The following MACROD2 variants were observed in gnomAD, a reference collection of about 807,000 sequenced individuals.
MACROD2 encodes mono-ADP ribosylhydrolase 2.
A neutral mutation model predicts 70.4 loss-of-function variants in MACROD2; 36 were observed. The observed-to-expected ratio is 0.51, with a 90% CI of 0.39 to 0.68. MACROD2 has a LOEUF of 0.68. Ranked by LOEUF, MACROD2 falls within the 30% of genes least tolerant of loss-of-function variation. The pLI, the probability that MACROD2 is intolerant of heterozygous loss-of-function variation, is 0.00. For synonymous variants in MACROD2, 172 were observed against 178.8 expected, an observed-to-expected ratio of 0.96 and a Z score of 0.30; for missense variants, 496 against 538.4, an observed-to-expected ratio of 0.92 and a Z score of 0.78.
At chr20:15,777,110 T>A (rs996655750) in intron 8 of MACROD2, among the ~76,000 whole-genome samples, 3 of 152,198 alleles carry the variant, frequency 2.0e-5, no homozygotes, top group Admixed American at 1.3e-4. Flanking sequence ...TCTGCTTTGC[T>A]CTTTTGCTGG....
In MACROD2 at chr20:14,463,981, T is replaced by TG. The variant is rs1300228484; in HGVS notation, c.272-29496dup. On this transcript the variant is annotated intron_variant, in intron 3 of 17. Coordinates refer to ENST00000684519, the MANE Select transcript of MACROD2 (RefSeq NM_001351661.2). ...TTGCATCAATGTTCATCAAGGATAT[T>TG]GGTCTAAAATTCTCTTTTTTTGTTG... Among the ~76,000 whole-genome samples the TG allele has an allele frequency of 2.0e-5, 3 of 152,056 alleles. No individual in the cohort carries two copies. In the East Asian group the frequency reaches 5.8e-4, roughly 29 times the overall value.
chr20:15,388,639 C>G (rs898913010), intron 6 of MACROD2, among the ~76,000 whole-genome samples: 1 of 152,040 alleles, frequency 6.6e-6, no homozygotes, highest in African/African-American at 2.4e-5. Flanking sequence ...CCCTAATTAC[C>G]AAGCACCAGA....
At chr20:14,971,450 AG>A (rs78535762) in intron 5 of MACROD2, among the ~76,000 whole-genome samples, 41 of 151,410 alleles carry the variant, frequency 2.7e-4, no homozygotes, top group African/African-American at 1.0e-3. Flanking sequence ...AGGTAAAGGG[AG>A]GGGGGGGACT....
chr20:15,468,307 A>G (rs1028454544), intron 7 of MACROD2, among the ~76,000 whole-genome samples: 2 of 152,092 alleles, frequency 1.3e-5, no homozygotes, highest in African/African-American at 4.8e-5. Context: ...AAAAAAAAAG[A>G]AAGAGAAAGA....
chr20:15,357,436 C>G (rs6079783), intron 6 of MACROD2, among the ~76,000 whole-genome samples: 1 of 151,872 alleles, frequency 6.6e-6, no homozygotes, highest in Non-Finnish European at 1.5e-5. Context: ...AAATTTTGAC[C>G]TAAAACAACC....
At chr20:14,518,349 C>A (rs1194908108) in intron 4 of MACROD2, among the ~76,000 whole-genome samples, 1 of 152,018 alleles carries the variant, frequency 6.6e-6, no homozygotes, top group East Asian at 1.9e-4. Flanking sequence ...CTTTTCTTCA[C>A]AATATTTTTA....
intron 8 of MACROD2, among the ~76,000 whole-genome samples, chr20:15,677,997 G>A (rs2050092020): frequency 6.6e-6 from 1 of 151,944 alleles, no homozygotes; most frequent in African/African-American, 2.4e-5. Context: ...CCCAGGAGGT[G>A]GAGGTTGCAG....
At chr20:15,334,907 G>A (rs919032381) in intron 6 of MACROD2, among the ~76,000 whole-genome samples, 59 of 151,682 alleles carry the variant, frequency 3.9e-4, no homozygotes, top group Non-Finnish European at 2.4e-4. Context: ...AAACCAATAA[G>A]GATACTTGCT....
rs780864371 is a variant in MACROD2, at chr20:15,444,808, AGT to A, written c.571+13374_571+13375del. On this transcript the variant is annotated intron_variant, in intron 7 of 17. Transcript: ENST00000684519. ...AATGGTATAATTATTGAGGTTTTTT[AGT>A]ATGAGGTTAATAATGTAAAATGAGG... 3.3e-3 allele frequency among the ~76,000 whole-genome samples: 505 copies of A among 152,202 alleles called. 2 individuals are homozygous for A. Among genetic ancestry groups the A allele is most frequent in the Non-Finnish European group, 5.3e-3 (357 of 67,986 alleles).
Position 14,326,720 on chromosome 20 carries a change from G to T in MACROD2, c.272-166759G>T. 1 of 1,613,696 alleles carries T rather than the reference G, an allele frequency of 6.2e-7. No individual in the cohort carries two copies. Among genetic ancestry groups the T allele is most frequent in the South Asian group, 1.1e-5 (1 of 91,074 alleles). On this transcript the variant is annotated intron_variant, in intron 3 of 17. Coordinates refer to ENST00000684519, the MANE Select transcript of MACROD2 (RefSeq NM_001351661.2). This position sits in a 1 kb window ranked among gnomAD's most constrained non-coding sequence, Gnocchi z 5.5. ...CTTAGATAAGAAAAAGCATTTGGGG[G>T]CACCCGATTGATGTGGTTATCTTGA... is the stretch of plus-strand genomic sequence containing the variant.
At chr20:14,892,769 C>T (rs2073778522) in intron 5 of MACROD2, 1 of 152,142 alleles carries the variant, frequency 6.6e-6, no homozygotes, top group Non-Finnish European at 1.5e-5. Context: ...GCCTCTGCCT[C>T]CTGGGCTCAA....
intron 5 of MACROD2, among the ~76,000 whole-genome samples, chr20:14,728,682 T>A (rs2071558349): frequency 1.3e-5 from 2 of 152,188 alleles, no homozygotes; most frequent in South Asian, 2.1e-4. Flanking sequence ...TTTATTTATT[T>A]AAAAAAATTA....
intron 10 of MACROD2, among the ~76,000 whole-genome samples, chr20:15,905,409 GT>G (rs1242920436): frequency 1.3e-5 from 2 of 152,200 alleles, no homozygotes; most frequent in African/African-American, 4.8e-5. Flanking sequence ...TGTTATAGAT[GT>G]CTGTGAGTAA....
chr20:14,316,414 A>G (rs538429858), intron 3 of MACROD2, among the ~76,000 whole-genome samples: 5 of 152,196 alleles, frequency 3.3e-5, no homozygotes, highest in Non-Finnish European at 1.5e-5. Flanking sequence ...TGACTCAAAC[A>G]TTAAAAAATT....
At chr20:14,046,744 T>C (rs1017696882) in intron 2 of MACROD2, among the ~76,000 whole-genome samples, 1 of 151,440 alleles carries the variant, frequency 6.6e-6, no homozygotes, top group Non-Finnish European at 1.5e-5. Flanking sequence ...TATTTATTTA[T>C]TTATTTATTT....
At chr20:15,580,464 A>C in intron 8 of MACROD2, among the ~76,000 whole-genome samples, 1 of 152,166 alleles carries the variant, frequency 6.6e-6, no homozygotes, top group South Asian at 2.1e-4. Context: ...AGAATTAGCT[A>C]TGTTAATGGT....
Position 15,842,713 on chromosome 20 carries a change from G to GATAGATAGATAC in MACROD2, c.646-20021_646-20020insCATAGATAGATA, listed in dbSNP as rs1434155491. On this transcript the variant is annotated intron_variant, in intron 8 of 17. Coordinates refer to ENST00000684519, the MANE Select transcript of MACROD2 (RefSeq NM_001351661.2). The stretch of plus-strand genomic sequence containing the variant: ...TGGTTGGATGGGGGGTGGGTGGATG[G>GATAGATAGATAC]ATAGATAGATAGATAGATAGATAGA... Among the ~76,000 whole-genome samples, 4 of 1,364 alleles carry GATAGATAGATAC rather than the reference G, an allele frequency of 2.9e-3. No homozygotes were observed. The Non-Finnish European group carries it at 0.034, about 12-fold the overall frequency. 0.9% of individuals were successfully genotyped at this position (1,364 alleles called of 152,430 possible).
rs999611771 is a variant in MACROD2 at position 14,890,259 on chromosome 20, A to T, written c.418+205300A>T. Among the ~76,000 whole-genome samples the T allele has an allele frequency of 2.0e-5, 3 of 152,066 alleles. No homozygotes were observed. In the South Asian group the frequency reaches 6.2e-4, roughly 32 times the overall value. ...GTAGGAGGTATTTCAAGTCATGAGG[A>T]TAGATGCAAACTCCAAAGGAGTGAG... On this transcript the variant is annotated intron_variant, in intron 5 of 17. Transcript: ENST00000684519.
At position 14,789,858 on chromosome 20, in the gene MACROD2, AT is replaced by A. The variant is rs566270454; in HGVS notation, c.418+104901del. Among the ~76,000 whole-genome samples the A allele has an allele frequency of 5.3e-4, 80 of 152,106 alleles. 1 individual carries two copies. Among genetic ancestry groups the A allele is most frequent in the Admixed American group, 2.7e-3 (41 of 15,276 alleles). On this transcript the variant is annotated intron_variant, in intron 5 of 17. Coordinates refer to ENST00000684519, the MANE Select transcript of MACROD2 (RefSeq NM_001351661.2). ...ATATAACTGTATTTACCTTCCCAAC[AT>A]TACATAAATACTATGATGAGAAATC...
Sources: gnomAD v4.1 joint callset for allele counts (sites outside exome capture counted in the v4.1 genomes callset) on GRCh38, gnomAD v4.1.1 for gene constraint, Gnocchi (gnomAD v3.1) non-coding constraint, MANE v1.5 for transcripts, NCBI Gene and HGNC (gene_info 2026-07-23, HGNC 2026-07-21) for gene names.